Variants in GOLM2 observed in about 807,000 individuals in gnomAD.
GOLM2 encodes the protein protein GOLM2.
GOLM2 carries 26 observed loss-of-function variants against 55.9 expected under a neutral mutation model. That is an observed-to-expected ratio of 0.47 (90% CI 0.34 to 0.65). The LOEUF is 0.65. GOLM2 is among the 30% of genes least tolerant of loss of function. The pLI is 0.01. For missense variants in GOLM2, 486 were observed against 531.8 expected, an observed-to-expected ratio of 0.91 and a Z score of 0.85; for synonymous variants, 165 against 194.6, an observed-to-expected ratio of 0.85 and a Z score of 1.27.
chr15:44,355,373 G>C (rs1489022756), intron 6 of GOLM2: 1 of 167,538 alleles, frequency 6.0e-6, no homozygotes, highest in Non-Finnish European at 1.3e-5. Flanking sequence ...GGAGATCACT[G>C]GCATGGCCTT....
intron 6 of GOLM2, among the ~76,000 whole-genome samples, chr15:44,372,017 T>A (rs944067789): frequency 6.6e-6 from 1 of 152,154 alleles, no homozygotes; most frequent in Non-Finnish European, 1.5e-5. Context: ...ATCATCTTTA[T>A]TTTATAGATG....
chr15:44,387,883 T>C (rs2079457924), intron 8 of GOLM2, among the ~76,000 whole-genome samples: 1 of 152,114 alleles, frequency 6.6e-6, no homozygotes, highest in Admixed American at 6.5e-5. Flanking sequence ...TGATCTAGAC[T>C]CTTATGATGA....
chr15:44,375,378 A>G (rs1221401481), intron 6 of GOLM2, among the ~76,000 whole-genome samples: 1 of 152,002 alleles, frequency 6.6e-6, no homozygotes, highest in East Asian at 1.9e-4. Flanking sequence ...TCTGCATCTA[A>G]TTTTCCCCAA....
intron 6 of GOLM2, among the ~76,000 whole-genome samples, chr15:44,374,199 A>T (rs1419560373): frequency 6.6e-6 from 1 of 152,244 alleles, no homozygotes; most frequent in Non-Finnish European, 1.5e-5. Flanking sequence ...CAGTGATAGG[A>T]TAAAAACTAT....
intron 6 of GOLM2, among the ~76,000 whole-genome samples, chr15:44,369,623 A>G (rs891636572): frequency 1.2e-4 from 18 of 151,198 alleles, no homozygotes; most frequent in Non-Finnish European, 2.2e-4. Context: ...GGAGTTTGAG[A>G]CCAGCCTGTA....
At chr15:44,376,792 T>G (rs1404582523) in intron 6 of GOLM2, among the ~76,000 whole-genome samples, 3 of 151,254 alleles carry the variant, frequency 2.0e-5, no homozygotes, top group Non-Finnish European at 4.4e-5. Context: ...TTTTTAATTT[T>G]TTAGGTATAT....
intron 8 of GOLM2, among the ~76,000 whole-genome samples, chr15:44,400,564 G>A (rs1029833228): frequency 8.0e-5 from 11 of 136,660 alleles, no homozygotes; most frequent in Admixed American, 3.0e-4. Flanking sequence ...CCATCTGCCC[G>A]CCTTGCCGCC....
intron 6 of GOLM2, among the ~76,000 whole-genome samples, chr15:44,343,656 T>C (rs1363760271): frequency 1.3e-5 from 2 of 150,954 alleles, no homozygotes; most frequent in African/African-American, 4.9e-5. Flanking sequence ...TGAAACCCCG[T>C]CTGTACTAAA....
At chr15:44,403,076 A>G (rs1019464683) in intron 9 of GOLM2, 22 bp downstream of exon 9, 8 of 1,613,724 alleles carry the variant, frequency 5.0e-6, no homozygotes, top group African/African-American at 4.0e-5. Flanking sequence ...CCTGGCCTCC[A>G]TGCTATAACC....
intron 1 of GOLM2, among the ~76,000 whole-genome samples, chr15:44,306,954 A>G (rs1269374197): frequency 6.6e-6 from 1 of 152,184 alleles, no homozygotes; most frequent in Non-Finnish European, 1.5e-5. Flanking sequence ...AATAATATTG[A>G]AGGTCACAGA....
At position 44,288,963 on chromosome 15, in the gene GOLM2, C is replaced by A; in HGVS notation, c.-67C>A. ...GCCGTGTCCGCCGGGCAACTCCAGC[C>A]GAGGCCTGGGCTTCTGCCTGCAGGT... On this transcript the variant is annotated 5_prime_UTR_variant, in exon 1 of 10. Coordinates refer to ENST00000299957, the MANE Select transcript of GOLM2 (RefSeq NM_138423.4). 1.3e-5 allele frequency: 19 copies of A among 1,448,286 alleles called. No homozygotes were observed. Among genetic ancestry groups the A allele is most frequent in the Non-Finnish European group, 1.8e-5 (19 of 1,067,306 alleles). The allele number at this position is 1,448,286 out of a possible 1,614,324, so 89.7% of individuals were successfully genotyped here.
At chr15:44,339,733 C>T (rs1043143464) in intron 6 of GOLM2, among the ~76,000 whole-genome samples, 1 of 152,152 alleles carries the variant, frequency 6.6e-6, no homozygotes, top group African/African-American at 2.4e-5. Context: ...CTCCTGGGCG[C>T]AAGCTATCCA....
chr15:44,289,176 G>A lies in GOLM2; in HGVS notation c.147G>A (p.Leu49=). ...TGCTTCAGGAGGAGGTGGCCGAGCT[G>A]CAGGGCCAGGTCCAGCGCACCGAAG... ...HVLLQEEVAE[L]QGQVQRTEVA... is the part of the protein sequence containing the mutation. The change falls in exon 1 of 10, where the codon CTG becomes CTA. Residue 49 remains leucine (L), a synonymous_variant. Transcript: ENST00000299957. This position sits in a 1 kb window ranked among gnomAD's most constrained non-coding sequence, Gnocchi z 4.8. 1 of 1,614,210 alleles carries A rather than the reference G, an allele frequency of 6.2e-7. No homozygotes were observed. Among genetic ancestry groups the A allele is most frequent in the Non-Finnish European group, 8.5e-7 (1 of 1,180,030 alleles).
intron 6 of GOLM2, among the ~76,000 whole-genome samples, chr15:44,365,988 T>C (rs2079280821): frequency 6.6e-6 from 1 of 152,124 alleles, no homozygotes; most frequent in Non-Finnish European, 1.5e-5. Flanking sequence ...GTCAGTTTTG[T>C]TGTGAACTTA....
chr15:44,329,420 T>A (rs181969029), intron 3 of GOLM2, among the ~76,000 whole-genome samples: 2 of 152,362 alleles, frequency 1.3e-5, no homozygotes, highest in Admixed American at 6.5e-5. Context: ...AGGTTATCAT[T>A]GTACATTTAC....
At chr15:44,346,487 C>A (rs145532073) in intron 6 of GOLM2, among the ~76,000 whole-genome samples, 59 of 152,304 alleles carry the variant, frequency 3.9e-4, no homozygotes, top group African/African-American at 1.4e-3. Flanking sequence ...TGTATTAATG[C>A]AGTAGCCATT....
At chr15:44,412,790 G>A (rs914833014) in intron 9 of GOLM2, among the ~76,000 whole-genome samples, 4 of 152,064 alleles carry the variant, frequency 2.6e-5, no homozygotes, top group African/African-American at 9.7e-5. Flanking sequence ...ATCACCTGAG[G>A]TGAAGAGTTT....
At chr15:44,367,921 C>T (rs1038990020) in intron 6 of GOLM2, among the ~76,000 whole-genome samples, 7 of 151,246 alleles carry the variant, frequency 4.6e-5, no homozygotes, top group African/African-American at 1.5e-4. Flanking sequence ...TTCCCTTTAT[C>T]TTTAATTGTT....
intron 8 of GOLM2, 22 bp downstream of exon 8, chr15:44,380,998 TTA>T: frequency 1.4e-6 from 2 of 1,460,544 alleles, no homozygotes; most frequent in Middle Eastern, 1.8e-4. Context: ...TTGATGAATA[TTA>T]TGCTAAAAAT....
Sources: allele counts gnomAD v4.1 joint callset (sites outside exome capture counted in the v4.1 genomes callset), GRCh38; gene constraint gnomAD v4.1.1; non-coding constraint Gnocchi (gnomAD v3.1); transcripts MANE v1.5; gene names NCBI Gene and HGNC (gene_info 2026-07-23, HGNC 2026-07-21).